Variants in CDK20 observed in about 807,000 individuals in gnomAD.
CDK20 encodes cyclin-dependent kinase 20.
CDK20 carries 40 observed loss-of-function variants against 38.6 expected under a neutral mutation model. The observed-to-expected ratio is 1.04, with a 90% confidence interval of 0.81 to 1.35. The LOEUF is 1.35. Among genes scored for constraint, CDK20 ranks in the 40% most tolerant of loss-of-function variants. The pLI is 0.00. For missense variants in CDK20, 512 were observed against 452.6 expected, an observed-to-expected ratio of 1.13 and a Z score of -1.19; for synonymous variants, 209 against 185.7, an observed-to-expected ratio of 1.13 and a Z score of -1.02.
In CDK20 at chr9:87,969,962, T is replaced by C. The variant is rs753269400; in HGVS notation, c.564-43A>G. ...CAAGCAGGTCAGAGATCTCCCACCATGGACCACAGACCCACCCACAGAGCA... is the reference window on the plus strand; with the variant it reads ...CAAGCAGGTCAGAGATCTCCCACCACGGACCACAGACCCACCCACAGAGCA... On this transcript the variant is annotated intron_variant, in intron 5 of 7. Coordinates refer to ENST00000325303, the MANE Select transcript of CDK20 (RefSeq NM_001039803.3). 3.9e-6 allele frequency: 6 copies of C among 1,521,236 alleles called. No individual in the cohort carries two copies. The African/African-American group carries it at 5.6e-5, about 14-fold the overall frequency. The allele number at this position is 1,521,236 out of a possible 1,614,324, so 94.2% of individuals were successfully genotyped here. A position where few individuals can be genotyped will look rare whatever the true frequency, so the allele number is the denominator to read the frequency against.
intron 2 of CDK20, among the ~76,000 whole-genome samples, chr9:87,973,470 C>T (rs983046759): frequency 2.6e-5 from 4 of 152,150 alleles, no homozygotes; most frequent in African/African-American, 7.2e-5. Context: ...TACTGACTAA[C>T]GGAGGGCCCA....
chr9:87,969,430 C>G, intron 6 of CDK20, 81 bp from the exon 7 acceptor site: 1 of 1,452,154 alleles, frequency 6.9e-7, no homozygotes. Flanking sequence ...CTCTCAGCCC[C>G]TAACACACAC....
intron 6 of CDK20, 89 bp from the exon 7 acceptor site, chr9:87,969,438 C>T (rs1265609555): frequency 7.1e-7 from 1 of 1,400,664 alleles, no homozygotes. Flanking sequence ...CCCTAACACA[C>T]ACTCACATGG....
At chr9:87,974,073 G>A (rs1830057305) in intron 1 of CDK20, 38 bp from the exon 2 acceptor site, 1 of 1,613,092 alleles carries the variant, frequency 6.2e-7, no homozygotes, top group South Asian at 1.1e-5. Context: ...GCCCACCCTC[G>A]GCTGGGAAAG....
Position 87,970,769 on chromosome 9 carries a change from T to A in CDK20, c.500+7A>T, listed in dbSNP as rs763723194. On this transcript the variant is annotated splice_region_variant and intron_variant, in intron 4 of 7. Transcript: ENST00000325303. ...GAGAAGACTGGAAGGGATCTGGCCCTCCCTACCTGGTGGCCACCTGGTGTG... is the reference window on the plus strand; with the variant it reads ...GAGAAGACTGGAAGGGATCTGGCCCACCCTACCTGGTGGCCACCTGGTGTG... The A allele has an allele frequency of 3.1e-6, 5 of 1,613,870 alleles. No individual in the cohort carries two copies. The highest frequency in any genetic ancestry group is 3.4e-6 in the Non-Finnish European group (4 of 1,179,972).
At position 87,967,344 on chromosome 9, in the gene CDK20, T is replaced by G; in HGVS notation, c.*118A>C. The G allele has an allele frequency of 1.0e-6, 1 of 970,050 alleles. No individual in the cohort carries two copies. The highest frequency in any genetic ancestry group is 1.6e-6 in the Non-Finnish European group (1 of 618,440). The allele number at this position is 970,050 out of a possible 1,614,324, so 60.1% of individuals were successfully genotyped here. On this transcript the variant is annotated 3_prime_UTR_variant, in exon 8 of 8. Transcript: ENST00000325303. ...CTCGCAAGGGCTAAGGGGCAGGGTG[T>G]GGTGTGGGCCCACTGTGGCCATGGG... is the stretch of plus-strand genomic sequence containing the variant.
At position 87,967,409 on chromosome 9, in the gene CDK20, C is replaced by CAG; in HGVS notation, c.*51_*52dup. The CAG allele has an allele frequency of 6.5e-7, 1 of 1,533,306 alleles. No homozygotes were observed. Among genetic ancestry groups the CAG allele is most frequent in the Non-Finnish European group, 8.8e-7 (1 of 1,130,562 alleles). 95.0% of individuals were successfully genotyped at this position (1,533,306 alleles called of 1,614,324 possible). A position where few individuals can be genotyped will look rare whatever the true frequency, so the allele number is the denominator to read the frequency against. The stretch of plus-strand genomic sequence containing the variant: ...TGAAGCCAGGCAGGTGGCAGAGGAA[C>CAG]AGGTGGACTGAGTGGTCCTGAGGAG... On this transcript the variant is annotated 3_prime_UTR_variant, in exon 8 of 8. Coordinates refer to ENST00000325303, the MANE Select transcript of CDK20 (RefSeq NM_001039803.3).
intron 2 of CDK20, among the ~76,000 whole-genome samples, chr9:87,971,567 TA>T (rs1233068430): frequency 2.6e-5 from 4 of 152,160 alleles, no homozygotes; most frequent in Non-Finnish European, 5.9e-5. Context: ...CTAAAAGGTC[TA>T]AAAAAGGTCA....
chr9:87,967,836 C>G, intron 7 of CDK20, 177 bp from the exon 8 acceptor site: 1 of 563,580 alleles, frequency 1.8e-6, no homozygotes, highest in Non-Finnish European at 3.1e-6. Context: ...GTTAATAAAA[C>G]AGACAAAAGC....
intron 6 of CDK20, 34 bp downstream of exon 6, chr9:87,969,762 C>T: frequency 2.5e-6 from 4 of 1,613,054 alleles, no homozygotes; most frequent in Non-Finnish European, 3.4e-6. Context: ...AGTAAACCTG[C>T]CCCACACCCA....
chr9:87,970,136 C>G (rs757692056), intron 5 of CDK20: 22 of 489,128 alleles, frequency 4.5e-5, no homozygotes, highest in South Asian at 3.2e-4. Flanking sequence ...GACTCCTGCT[C>G]TAGGACACTT....
Position 87,967,528 on chromosome 9 carries a change from C to G in CDK20, c.975G>C (p.Val325=). 6.4e-7 allele frequency: 1 copy of G among 1,555,350 alleles called. No homozygotes were observed. The highest frequency in any genetic ancestry group is 1.2e-5 in the South Asian group (1 of 84,206). ...ACAGCGACTCCTCAAGAGGCCGGTC[C>G]ACGTGGAAGTCATGGATGTGGGGGG... ...PGPPHIHDFH[V]DRPLEESLLN... The change falls in exon 8 of 8, where the codon GTG becomes GTC. Residue 325 remains valine (V), a synonymous_variant. Transcript: ENST00000325303.
rs1829780112 is a variant in CDK20 at position 87,970,646 on chromosome 9, C to CT, written c.501-17dup. On this transcript the variant is annotated splice_polypyrimidine_tract_variant and intron_variant, in intron 4 of 7. Transcript: ENST00000325303. ...TCGGTACCACCTGCGAGGAAGAGGG[C>CT]TGGCAGGCACTGGGCTGAGAAAAGG... is the stretch of plus-strand genomic sequence containing the variant. 1.2e-6 allele frequency: 2 copies of CT among 1,613,864 alleles called. No individual in the cohort carries two copies. Among genetic ancestry groups the CT allele is most frequent in the Admixed American group, 1.7e-5 (1 of 59,978 alleles).
chr9:87,974,158 G>C, intron 1 of CDK20, 123 bp from the exon 2 acceptor site: 3 of 1,519,490 alleles, frequency 2.0e-6, no homozygotes, highest in Non-Finnish European at 1.8e-6. Flanking sequence ...GGCCCTCCTC[G>C]GGGGTCTAGG....
chr9:87,970,813 C>G lies in CDK20; in HGVS notation c.463G>C (p.Asp155His), dbSNP rs1397276988. ...TGGTGTGTGTAGAGGCGGCTGCCGT[C>G]TGGGGAAAAGACTCGAGCCAGGCCA... is the stretch of plus-strand genomic sequence containing the variant. ...DFGLARVFSP[D>H]GSRLYTHQVA... is the part of the protein sequence containing the mutation. Residue 155 changes from aspartate (D) to histidine (H), a missense_variant, in exon 4 of 8, where the codon GAC becomes CAC. Asp to His is a moderately conservative substitution (Grantham distance 81). Transcript: ENST00000325303. 4.3e-6 allele frequency: 7 copies of G among 1,614,150 alleles called. No individual in the cohort carries two copies. In the Admixed American group the frequency reaches 8.3e-5, roughly 19 times the overall value.
chr9:87,971,628 ATC>A (rs1274384432), intron 2 of CDK20, among the ~76,000 whole-genome samples: 7 of 152,180 alleles, frequency 4.6e-5, no homozygotes, highest in African/African-American at 1.7e-4. Context: ...CCTGAAAATC[ATC>A]TGGATGGTCA....
intron 5 of CDK20, 189 bp downstream of exon 5, chr9:87,970,379 A>C (rs1829761847): frequency 3.4e-6 from 2 of 591,292 alleles, no homozygotes; most frequent in Non-Finnish European, 5.9e-6. Flanking sequence ...CCTGGCCCCT[A>C]CCCAGCTCGA....
chr9:87,971,753 A>T (rs1459082138), intron 2 of CDK20, among the ~76,000 whole-genome samples: 1 of 152,182 alleles, frequency 6.6e-6, no homozygotes, highest in Admixed American at 6.5e-5. Context: ...CTACAGACAC[A>T]TCACAAACAC....
Position 87,970,474 on chromosome 9 carries a change from A to G in CDK20, c.563+94T>C. 8 of 1,198,384 alleles carry G rather than the reference A, an allele frequency of 6.7e-6. No individual in the cohort carries two copies. The South Asian group carries it at 1.2e-4, about 18-fold the overall frequency. The allele number at this position is 1,198,384 out of a possible 1,614,324, so 74.2% of individuals were successfully genotyped here. ...CACCCTTAAGGAAGCCTAAACTCCCACCAGGGAAAAGACCACCAAACAGCT... is the reference window on the plus strand; with the variant it reads ...CACCCTTAAGGAAGCCTAAACTCCCGCCAGGGAAAAGACCACCAAACAGCT... On this transcript the variant is annotated intron_variant, in intron 5 of 7. Coordinates refer to ENST00000325303, the MANE Select transcript of CDK20 (RefSeq NM_001039803.3).
Sources: allele counts gnomAD v4.1 joint callset (sites outside exome capture counted in the v4.1 genomes callset), GRCh38; gene constraint gnomAD v4.1.1; transcripts MANE v1.5; gene names NCBI Gene and HGNC (gene_info 2026-07-23, HGNC 2026-07-21).